Variants in DHX57 observed in about 807,000 individuals in gnomAD.
DHX57 encodes DExH-box helicase 57, also known as putative ATP-dependent RNA helicase DHX57.
Under a neutral mutation model 156.2 loss-of-function variants are expected in DHX57, and 105 were observed. That is an observed-to-expected ratio of 0.67 (90% CI 0.57 to 0.79). The LOEUF is 0.79. Ranked by LOEUF, DHX57 falls within the 30% of genes least tolerant of loss-of-function variation. DHX57 has a pLI of 0.00. For missense variants in DHX57, 1,847 were observed against 1,661.9 expected, an observed-to-expected ratio of 1.11 and a Z score of -1.94; for synonymous variants, 704 against 595.6, an observed-to-expected ratio of 1.18 and a Z score of -2.65.
chr2:38,858,528 T>A, intron 6 of DHX57, 133 bp downstream of exon 6: 2 of 1,234,846 alleles, frequency 1.6e-6, no homozygotes, highest in Non-Finnish European at 2.2e-6. Context: ...CTGTGGCCTG[T>A]AGAAACTTTG....
At chr2:38,864,287 G>A (rs1329247370) in intron 2 of DHX57, among the ~76,000 whole-genome samples, 1 of 149,204 alleles carries the variant, frequency 6.7e-6, no homozygotes, top group Non-Finnish European at 1.5e-5. Flanking sequence ...GCTCACACCT[G>A]TAATTCCAGC....
intron 17 of DHX57, among the ~76,000 whole-genome samples, chr2:38,819,592 G>A (rs942588453): frequency 6.6e-6 from 1 of 152,176 alleles, no homozygotes; most frequent in Non-Finnish European, 1.5e-5. Context: ...CTAATGAAAG[G>A]CAATTATGAC....
intron 13 of DHX57, among the ~76,000 whole-genome samples, chr2:38,830,539 G>A (rs889921164): frequency 2.6e-5 from 4 of 151,830 alleles, no homozygotes; most frequent in African/African-American, 7.3e-5. Context: ...GGAGGCACGA[G>A]AATCACTTGA....
Position 38,847,044 on chromosome 2 carries a change from A to T in DHX57, c.2194T>A (p.Leu732Met). The T allele has an allele frequency of 6.2e-7, 1 of 1,613,818 alleles. No homozygotes were observed. The highest frequency in any genetic ancestry group is 8.5e-7 in the Non-Finnish European group (1 of 1,179,840). The change falls in exon 11 of 24, where the codon TTG (leucine) becomes ATG (methionine). Residue 732 changes from leucine to methionine, a missense_variant. Physicochemically the swap from Leu to Met is conservative, Grantham distance 15. Coordinates refer to ENST00000457308, the MANE Select transcript of DHX57 (RefSeq NM_198963.3). ...GRTFPVDQFF[L>M]EDAIAVTRYV... The stretch of plus-strand genomic sequence containing the variant: ...CTTGTCACAGCAATTGCATCTTCCA[A>T]AAAAAATTGATCAACAGGAAATGTA...
At chr2:38,840,859 T>C (rs1273605805) in intron 12 of DHX57, among the ~76,000 whole-genome samples, 1 of 152,148 alleles carries the variant, frequency 6.6e-6, no homozygotes, top group African/African-American at 2.4e-5. Flanking sequence ...TCTTGCTCTG[T>C]TGGGGCTGGA....
chr2:38,855,851 C>T (rs1037638007), intron 7 of DHX57, among the ~76,000 whole-genome samples: 2 of 152,160 alleles, frequency 1.3e-5, no homozygotes, highest in African/African-American at 4.8e-5. Context: ...AATCCCAGCA[C>T]TTTGGGAGAC....
intron 19 of DHX57, among the ~76,000 whole-genome samples, chr2:38,817,662 G>A (rs926592885): frequency 6.6e-6 from 1 of 151,974 alleles, no homozygotes; most frequent in Non-Finnish European, 1.5e-5. Flanking sequence ...ACAGGAGACA[G>A]AAGCCCTGTC....
At chr2:38,864,031 A>C (rs1036036325) in intron 2 of DHX57, among the ~76,000 whole-genome samples, 2 of 151,886 alleles carry the variant, frequency 1.3e-5, no homozygotes, top group African/African-American at 4.8e-5. Context: ...AAAACAACAA[A>C]ACTTAACAGA....
rs187731535 is a variant in DHX57 at position 38,858,592 on chromosome 2, C to T, written c.1587+69G>A. 28 of 1,514,062 alleles carry T rather than the reference C, an allele frequency of 1.8e-5. No individual in the cohort carries two copies. In the African/African-American group the frequency reaches 3.1e-4, roughly 17 times the overall value. The allele number at this position is 1,514,062 out of a possible 1,614,324, so 93.8% of individuals were successfully genotyped here. A position where few individuals can be genotyped will look rare whatever the true frequency, so the allele number is the denominator to read the frequency against. Reference sequence around the variant, plus strand: ...AATTTTAAGGAGGGTAGCCAAAGCTCCCTAATTCCTAATCCCATCATCCAG... The same window carrying T: ...AATTTTAAGGAGGGTAGCCAAAGCTTCCTAATTCCTAATCCCATCATCCAG... On this transcript the variant is annotated intron_variant, in intron 6 of 23. Transcript: ENST00000457308.
At chr2:38,850,016 T>C (rs1337827216) in intron 9 of DHX57, among the ~76,000 whole-genome samples, 1 of 152,196 alleles carries the variant, frequency 6.6e-6, no homozygotes, top group African/African-American at 2.4e-5. Flanking sequence ...AGAATAGAAG[T>C]TCTACAAGGA....
At chr2:38,803,015 C>T in intron 22 of DHX57, 100 bp from the exon 23 acceptor site, 3 of 1,313,384 alleles carry the variant, frequency 2.3e-6, no homozygotes, top group Non-Finnish European at 3.2e-6. Context: ...ATTAATGACT[C>T]CCCAAATTTA....
intron 11 of DHX57, among the ~76,000 whole-genome samples, chr2:38,843,502 C>T (rs549970349): frequency 1.3e-5 from 2 of 152,264 alleles, no homozygotes; most frequent in South Asian, 4.2e-4. Context: ...AGTAACACCC[C>T]TCTTCATTTT....
chr2:38,799,882 G>A (rs1355131963), intron 23 of DHX57, among the ~76,000 whole-genome samples: 3 of 150,334 alleles, frequency 2.0e-5, no homozygotes, highest in East Asian at 2.0e-4. Flanking sequence ...GTGAAACTCC[G>A]TCTCTAATAA....
intron 9 of DHX57, among the ~76,000 whole-genome samples, chr2:38,851,013 GCTGCAGTGAGCTGAGA>G (rs1307841240): frequency 6.6e-6 from 1 of 151,964 alleles, no homozygotes; most frequent in African/African-American, 2.4e-5. Context: ...GGAGGTGGAG[GCTGCAGTGAGCTGAGA>G]CTGCACCACT....
intron 11 of DHX57, among the ~76,000 whole-genome samples, chr2:38,845,477 G>A (rs991553679): frequency 1.3e-5 from 2 of 152,098 alleles, no homozygotes; most frequent in Non-Finnish European, 2.9e-5. Flanking sequence ...ATTAGAGAAG[G>A]AAGGAACAGA....
intron 19 of DHX57, among the ~76,000 whole-genome samples, chr2:38,816,600 G>T (rs985145021): frequency 9.9e-5 from 15 of 152,126 alleles, no homozygotes; most frequent in Admixed American, 2.6e-4. Flanking sequence ...TGTGGCTACT[G>T]TTCTCACATA....
chr2:38,822,816 C>CT (rs1045157896), intron 17 of DHX57, among the ~76,000 whole-genome samples, 177 bp downstream of exon 17: 26 of 152,096 alleles, frequency 1.7e-4, no homozygotes, highest in African/African-American at 6.3e-4. Flanking sequence ...TTGTTTTTGT[C>CT]TTTTCAGAAA....
intron 9 of DHX57, among the ~76,000 whole-genome samples, chr2:38,848,797 T>C (rs1448951599): frequency 6.6e-6 from 1 of 152,222 alleles, no homozygotes; most frequent in Non-Finnish European, 1.5e-5. Flanking sequence ...AAAGTTGGTA[T>C]ACATTGAACC....
chr2:38,871,146 C>T (rs1376039968), intron 1 of DHX57, among the ~76,000 whole-genome samples: 1 of 152,126 alleles, frequency 6.6e-6, no homozygotes, highest in East Asian at 1.9e-4. Flanking sequence ...TAAAAATCCA[C>T]ATTTATATTG....
Sources: allele counts gnomAD v4.1 joint callset (sites outside exome capture counted in the v4.1 genomes callset), GRCh38; gene constraint gnomAD v4.1.1; transcripts MANE v1.5; gene names NCBI Gene and HGNC (gene_info 2026-07-23, HGNC 2026-07-21).